TAFA4: variants seen among roughly 807,000 people sequenced by gnomAD.
TAFA4 encodes the protein TAFA chemokine like family member 4.
A neutral mutation model predicts 21.1 loss-of-function variants in TAFA4; 20 were observed. The ratio of observed to expected loss-of-function variants is 0.95; its 90% CI spans 0.67 to 1.38. The LOEUF is 1.38. Ranked by LOEUF, TAFA4 falls within the 40% of genes most tolerant of loss-of-function variation. The pLI, the probability that TAFA4 is intolerant of heterozygous loss-of-function variation, is 0.00. For synonymous variants in TAFA4, 71 were observed against 67.4 expected (o/e 1.05, Z -0.26); for missense variants, 211 against 180.9 (o/e 1.17, Z -0.95).
intron 1 of TAFA4, among the ~76,000 whole-genome samples, chr3:68,885,723 G>C (rs962640056): frequency 2.6e-5 from 4 of 152,158 alleles, no homozygotes; most frequent in African/African-American, 9.7e-5. Flanking sequence ...AAGCCAGCAC[G>C]AAGATCTGAA....
intron 3 of TAFA4, among the ~76,000 whole-genome samples, chr3:68,860,956 C>T (rs1165424224): frequency 6.6e-6 from 1 of 151,724 alleles, no homozygotes; most frequent in African/African-American, 2.4e-5. Flanking sequence ...ATCTCACACA[C>T]AGTTTCTGGG....
intron 3 of TAFA4, among the ~76,000 whole-genome samples, chr3:68,787,837 T>C (rs1314616690): frequency 6.6e-6 from 1 of 152,232 alleles, no homozygotes; most frequent in Non-Finnish European, 1.5e-5. Context: ...ATAAAGCTTC[T>C]AGACGAGCAC....
intron 3 of TAFA4, among the ~76,000 whole-genome samples, chr3:68,861,030 A>AACCCCCCC (rs1559546159): frequency 9.0e-6 from 1 of 111,022 alleles, no homozygotes; most frequent in African/African-American, 3.2e-5. Context: ...TTAAATATGC[A>AACCCCCCC]CCCCCCCCCC....
At chr3:68,917,087 G>C (rs148241156) in intron 1 of TAFA4, among the ~76,000 whole-genome samples, 1 of 152,224 alleles carries the variant, frequency 6.6e-6, no homozygotes, top group African/African-American at 2.4e-5. Flanking sequence ...ATTTTGTATA[G>C]ATGGACCACC....
chr3:68,862,192 G>C (rs925883012), intron 3 of TAFA4, among the ~76,000 whole-genome samples: 1 of 151,798 alleles, frequency 6.6e-6, no homozygotes, highest in African/African-American at 2.4e-5. Flanking sequence ...CTTGCTAAAG[G>C]CAGGTAGGCT....
intron 3 of TAFA4, among the ~76,000 whole-genome samples, chr3:68,776,278 G>A (rs1292244225): frequency 6.6e-6 from 1 of 152,104 alleles, no homozygotes. Context: ...TCTATAAGAG[G>A]TTCACTGTGA....
chr3:68,778,254 T>C (rs2106792509), intron 3 of TAFA4, among the ~76,000 whole-genome samples: 1 of 152,244 alleles, frequency 6.6e-6, no homozygotes, highest in East Asian at 1.9e-4. Flanking sequence ...TACATTAATA[T>C]TAAATTACAA....
chr3:68,882,210 T>C (rs2089626904), intron 2 of TAFA4, among the ~76,000 whole-genome samples: 1 of 152,146 alleles, frequency 6.6e-6, no homozygotes, highest in African/African-American at 2.4e-5. Flanking sequence ...AAAAAATTAA[T>C]CTTTCATTTA....
chr3:68,777,710 CAT>C, intron 3 of TAFA4, among the ~76,000 whole-genome samples: 1 of 152,214 alleles, frequency 6.6e-6, no homozygotes, highest in Middle Eastern at 3.4e-3. Flanking sequence ...ATGCAACAGT[CAT>C]GTGCTACATA....
intron 3 of TAFA4, among the ~76,000 whole-genome samples, chr3:68,859,800 C>A (rs1422740634): frequency 6.6e-6 from 1 of 152,108 alleles, no homozygotes; most frequent in Middle Eastern, 3.2e-3. Flanking sequence ...GTGTTTCAAA[C>A]ACAAATAATG....
Position 68,764,017 on chromosome 3 carries a change from T to C in TAFA4, c.131-10999A>G, listed in dbSNP as rs141045865. Among the ~76,000 whole-genome samples the C allele has an allele frequency of 2.3e-4, 35 of 152,326 alleles. No individual in the cohort carries two copies. The East Asian group carries it at 3.5e-3, about 15-fold the overall frequency. On this transcript the variant is annotated intron_variant, in intron 3 of 5. Transcript: ENST00000295569. The stretch of plus-strand genomic sequence containing the variant: ...CTTCTTAGTGAACCTAATCCACTTA[T>C]ATTTTGTAAATATTCCATCAAACTG...
intron 3 of TAFA4, among the ~76,000 whole-genome samples, chr3:68,849,073 A>G (rs766645239): frequency 1.1e-4 from 16 of 152,186 alleles, no homozygotes; most frequent in Non-Finnish European, 1.6e-4. Flanking sequence ...TAAAAATACA[A>G]TGATAAATAT....
Position 68,878,100 on chromosome 3 carries a change from G to A in TAFA4, c.130+2630C>T, listed in dbSNP as rs141256534. 2.6e-3 allele frequency among the ~76,000 whole-genome samples: 399 copies of A among 152,288 alleles called. 2 individuals carry two copies. The highest frequency in any genetic ancestry group is 9.2e-3 in the African/African-American group (381 of 41,556). ...TTCCTTTCCTGCCTCATTTCCAGGT[G>A]TGCCCCAGTTTTTCCAGGGACTTTA... On this transcript the variant is annotated intron_variant, in intron 3 of 5. Transcript: ENST00000295569.
intron 4 of TAFA4, among the ~76,000 whole-genome samples, chr3:68,743,590 G>A (rs4065539): frequency 0.51 from 49,441 of 97,532 alleles, 10,304 homozygotes; most frequent in South Asian, 0.61. Context: ...AAAAAAAAAA[G>A]AAAAAGTTAA....
intron 1 of TAFA4, among the ~76,000 whole-genome samples, chr3:68,906,075 G>A (rs755290321): frequency 6.6e-6 from 1 of 152,210 alleles, no homozygotes; most frequent in Non-Finnish European, 1.5e-5. Context: ...AAAGGAGCAA[G>A]TGGGAATGCA....
chr3:68,778,295 G>A (rs1703084995), intron 3 of TAFA4, among the ~76,000 whole-genome samples: 1 of 152,202 alleles, frequency 6.6e-6, no homozygotes, highest in African/African-American at 2.4e-5. Flanking sequence ...ATTATTACTA[G>A]AAGTAAAAAC....
intron 3 of TAFA4, among the ~76,000 whole-genome samples, chr3:68,799,790 C>T (rs913364197): frequency 2.6e-5 from 4 of 152,174 alleles, no homozygotes; most frequent in African/African-American, 9.7e-5. Context: ...CAGTGCCTGT[C>T]TGTGGCTTGT....
In TAFA4 at chr3:68,889,008, T is replaced by C. The variant is rs143801033; in HGVS notation, c.-122-3698A>G. 1.0e-3 allele frequency among the ~76,000 whole-genome samples: 157 copies of C among 152,352 alleles called. 2 individuals carry two copies. Among genetic ancestry groups the C allele is most frequent in the African/African-American group, 3.7e-3 (152 of 41,586 alleles). On this transcript the variant is annotated intron_variant, in intron 1 of 5. Coordinates refer to ENST00000295569, the MANE Select transcript of TAFA4 (RefSeq NM_182522.5). ...GTGCATGGCACCAAAAGAAAGCATTTACTTGCAATCATTTTATTCCTCTGT... is the reference window on the plus strand; with the variant it reads ...GTGCATGGCACCAAAAGAAAGCATTCACTTGCAATCATTTTATTCCTCTGT...
chr3:68,810,319 G>C (rs748649119), intron 3 of TAFA4, among the ~76,000 whole-genome samples: 2 of 152,182 alleles, frequency 1.3e-5, no homozygotes, highest in African/African-American at 2.4e-5. Context: ...GTGTCGGACA[G>C]TGGGTGCAAG....
Sources: gnomAD v4.1 joint callset for allele counts (sites outside exome capture counted in the v4.1 genomes callset) on GRCh38, gnomAD v4.1.1 for gene constraint, MANE v1.5 for transcripts, NCBI Gene and HGNC (gene_info 2026-07-23, HGNC 2026-07-21) for gene names.